The following TRPC5 variants were observed in gnomAD, a reference collection of about 807,000 sequenced individuals.
The protein encoded by TRPC5 is transient receptor potential cation channel subfamily C member 5.
In TRPC5, 9 loss-of-function variants were observed where a neutral mutation model predicts 56.5. The observed-to-expected ratio is 0.16, with a 90% CI of 0.10 to 0.28. The LOEUF (loss-of-function observed/expected upper bound fraction) is 0.28. Ranked by LOEUF, TRPC5 falls within the 10% of genes least tolerant of loss-of-function variation. The probability of loss-of-function intolerance (pLI) is 1.00; values close to 1 mark genes in which losing one functional copy is unlikely to be tolerated. For missense variants in TRPC5, 469 were observed against 748.9 expected (o/e 0.63, Z 4.36); for synonymous variants, 282 against 278.5 (o/e 1.01, Z -0.13).
At chrX:111,878,625 A>C (rs1924066739) in intron 3 of TRPC5, among the ~76,000 whole-genome samples, 1 of 111,402 alleles carries the variant, frequency 9.0e-6, no homozygotes, top group Non-Finnish European at 1.9e-5. Flanking sequence ...ACTAATTGAC[A>C]ATGGCACCTC....
At chrX:111,849,965 T>C (rs1424134983) in intron 5 of TRPC5, among the ~76,000 whole-genome samples, 1 of 112,158 alleles carries the variant, frequency 8.9e-6, no homozygotes, top group Non-Finnish European at 1.9e-5. Context: ...ATTGGCCTCC[T>C]TGCCTTTCAA....
Position 111,912,333 on chromosome X carries a change from G to A in TRPC5, c.858C>T (p.Asp286=). ...TGATTGCCACCTTCAACTTGGCCAG[G>A]TCATGGTACTTCTGAGGGTCAAGCT... ...SEELDPQKYH[D]LAKLKVAIKY... Residue 286 remains aspartate (D), a synonymous_variant, in exon 3 of 11, where the codon GAC becomes GAT. Transcript: ENST00000262839. 1 of 1,209,260 alleles carries A rather than the reference G, an allele frequency of 8.3e-7. No individual in the cohort carries two copies. Among genetic ancestry groups the A allele is most frequent in the Non-Finnish European group, 1.1e-6 (1 of 894,529 alleles).
intron 6 of TRPC5, among the ~76,000 whole-genome samples, chrX:111,841,688 T>G (rs998902782): frequency 5.4e-5 from 6 of 111,798 alleles, no homozygotes; most frequent in Non-Finnish European, 1.1e-4. Flanking sequence ...ATAGTTGCAA[T>G]CATAGTTTAT....
intron 3 of TRPC5, chrX:111,903,415 G>C (rs1265563373): frequency 8.9e-6 from 1 of 112,394 alleles, no homozygotes; most frequent in Non-Finnish European, 1.9e-5. Context: ...ATGATATGGA[G>C]TTAGTTTCTA....
intron 1 of TRPC5, among the ~76,000 whole-genome samples, chrX:111,975,528 C>T (rs1927897956): frequency 9.0e-6 from 1 of 110,796 alleles, no homozygotes; most frequent in Non-Finnish European, 1.9e-5. Context: ...CTGCACCCAT[C>T]AACTCGTCAT....
intron 3 of TRPC5, among the ~76,000 whole-genome samples, chrX:111,864,738 C>G (rs932215827): frequency 1.8e-5 from 2 of 112,012 alleles, no homozygotes; most frequent in Non-Finnish European, 3.8e-5. Context: ...AGTAAATGCT[C>G]CTCTGATCGT....
intron 5 of TRPC5, among the ~76,000 whole-genome samples, chrX:111,849,274 C>T (rs1001533191): frequency 4.5e-5 from 5 of 112,302 alleles, no homozygotes; most frequent in African/African-American, 1.6e-4. Flanking sequence ...CATGGCAAAT[C>T]TATACTTTGA....
At chrX:112,027,201 C>G (rs191003495) in intron 1 of TRPC5, among the ~76,000 whole-genome samples, 1 of 111,907 alleles carries the variant, frequency 8.9e-6, no homozygotes, top group Non-Finnish European at 1.9e-5. Flanking sequence ...TTCATGTGTT[C>G]TTTGAATCAA....
chrX:111,900,797 ACTT>A (rs1925304607), intron 3 of TRPC5, among the ~76,000 whole-genome samples: 1 of 111,868 alleles, frequency 8.9e-6, no homozygotes, highest in Admixed American at 9.5e-5. Flanking sequence ...AATATTAAAA[ACTT>A]CTTGCATCCT....
chrX:111,872,618 T>G (rs979211918), intron 3 of TRPC5, among the ~76,000 whole-genome samples: 2 of 111,662 alleles, frequency 1.8e-5, no homozygotes, highest in African/African-American at 6.5e-5. Context: ...TTGAGGTATC[T>G]TAGGGTATTT....
intron 3 of TRPC5, among the ~76,000 whole-genome samples, chrX:111,859,323 A>G (rs1339677793): frequency 8.9e-6 from 1 of 112,333 alleles, no homozygotes; most frequent in African/African-American, 3.2e-5. Context: ...AGAATTTAAC[A>G]ACAGGTGTGC....
chrX:111,831,439 T>C (rs1012096234), intron 7 of TRPC5, among the ~76,000 whole-genome samples: 1 of 112,004 alleles, frequency 8.9e-6, no homozygotes. Context: ...CTGCCCTTCT[T>C]GGCACTTAGA....
intron 1 of TRPC5, among the ~76,000 whole-genome samples, chrX:111,985,443 A>C (rs1928187919): frequency 8.9e-6 from 1 of 111,855 alleles, no homozygotes; most frequent in Non-Finnish European, 1.9e-5. Flanking sequence ...AGTCCCTCAA[A>C]TATCTGATTA....
chrX:111,812,930 A>G lies in TRPC5; in HGVS notation c.1896+21991T>C, dbSNP rs901555376. Among the ~76,000 whole-genome samples the G allele has an allele frequency of 5.3e-5, 6 of 112,485 alleles. No individual in the cohort carries two copies. In the Admixed American group the frequency reaches 5.7e-4, roughly 11 times the overall value. On this transcript the variant is annotated intron_variant, in intron 7 of 10. Coordinates refer to ENST00000262839, the MANE Select transcript of TRPC5 (RefSeq NM_012471.3). ...ACATTATGGATGTGCTTTTGTAATC[A>G]TACTTATCTAAAACTTTCCAAGAGA...
chrX:111,984,356 AG>A (rs781212640), intron 1 of TRPC5, among the ~76,000 whole-genome samples: 26 of 111,867 alleles, frequency 2.3e-4, no homozygotes, highest in Non-Finnish European at 4.1e-4. Context: ...CAAAACTAGC[AG>A]GTTTACAGGT....
intron 2 of TRPC5, among the ~76,000 whole-genome samples, chrX:111,932,016 A>G (rs763086201): frequency 1.8e-5 from 2 of 112,051 alleles, no homozygotes; most frequent in South Asian, 7.5e-4. Flanking sequence ...GAAAGTTACA[A>G]AATAAATCAT....
At chrX:111,913,727 G>T (rs963963066) in intron 2 of TRPC5, among the ~76,000 whole-genome samples, 1 of 111,252 alleles carries the variant, frequency 9.0e-6, no homozygotes, top group Non-Finnish European at 1.9e-5. Context: ...TTGGGAGGCC[G>T]AGGCGAGCGG....
At chrX:112,042,122 C>T (rs975752926) in intron 1 of TRPC5, among the ~76,000 whole-genome samples, 7 of 111,483 alleles carry the variant, frequency 6.3e-5, no homozygotes, top group Non-Finnish European at 1.3e-4. Flanking sequence ...TATGTGCAGC[C>T]TATGACGAGA....
intron 6 of TRPC5, among the ~76,000 whole-genome samples, chrX:111,846,626 A>G (rs191016847): frequency 1.8e-4 from 20 of 111,419 alleles, no homozygotes; most frequent in Admixed American, 8.6e-4. Context: ...TCCTACCTTC[A>G]GCCTGTCCCC....
Sources: gnomAD v4.1 joint callset for allele counts (sites outside exome capture counted in the v4.1 genomes callset) on GRCh38, gnomAD v4.1.1 for gene constraint, MANE v1.5 for transcripts, NCBI Gene and HGNC (gene_info 2026-07-23, HGNC 2026-07-21) for gene names.